The following ERN1 variants were observed in gnomAD, a reference collection of about 807,000 sequenced individuals.
ERN1 encodes the protein serine/threonine-protein kinase/endoribonuclease IRE1.
In ERN1, 39 loss-of-function variants were observed where a neutral mutation model predicts 113.1. The observed-to-expected ratio is 0.34, with a 90% confidence interval of 0.27 to 0.45. The LOEUF is 0.45. Ranked by LOEUF, ERN1 falls within the 20% of genes least tolerant of loss-of-function variation. ERN1 has a pLI of 1.00. For missense variants in ERN1, 976 were observed against 1,274.8 expected (o/e 0.77, Z 3.57); for synonymous variants, 507 against 515.9 (o/e 0.98, Z 0.23).
chr17:64,068,973 T>A (rs1009429142), intron 6 of ERN1, among the ~76,000 whole-genome samples: 2 of 152,182 alleles, frequency 1.3e-5, no homozygotes, highest in African/African-American at 4.8e-5. Flanking sequence ...GAAGAAATCA[T>A]TCAGCAGAAT....
intron 8 of ERN1, among the ~76,000 whole-genome samples, chr17:64,065,695 C>G (rs1368743898): frequency 6.6e-6 from 1 of 152,166 alleles, no homozygotes; most frequent in Non-Finnish European, 1.5e-5. Flanking sequence ...AGAACTACCC[C>G]CATTCTGCCT....
intron 7 of ERN1, chr17:64,067,846 C>T (rs1913283622): frequency 1.1e-5 from 2 of 189,754 alleles, no homozygotes; most frequent in South Asian, 2.8e-4. Context: ...TGCAGAGTGG[C>T]CTTCTTGACA....
At chr17:64,064,266 G>T in intron 9 of ERN1, 115 bp from the exon 10 acceptor site, 1 of 1,200,788 alleles carries the variant, frequency 8.3e-7, no homozygotes, top group Non-Finnish European at 1.1e-6. Flanking sequence ...GGCTAGTCCA[G>T]GACAGAGCAA....
intron 1 of ERN1, among the ~76,000 whole-genome samples, chr17:64,123,767 CAT>C (rs1458446207): frequency 6.6e-6 from 1 of 151,854 alleles, no homozygotes; most frequent in Non-Finnish European, 1.5e-5. Context: ...AAAATAAAAA[CAT>C]ATCTGTGTAG....
At position 64,044,232 on chromosome 17, in the gene ERN1, A is replaced by G. The variant is rs1388107498; in HGVS notation, c.2722-32T>C. 6 of 1,447,990 alleles carry G rather than the reference A, an allele frequency of 4.1e-6. No individual in the cohort carries two copies. The African/African-American group carries it at 4.3e-5, about 10-fold the overall frequency. The allele number at this position is 1,447,990 out of a possible 1,614,324, so 89.7% of individuals were successfully genotyped here. A position where few individuals can be genotyped will look rare whatever the true frequency, so the allele number is the denominator to read the frequency against. ...AGAGTTAGAAAGCTCGGGAGATTAG[A>G]AAGGGGTTAGAAAGCTCGGGAAATG... On this transcript the variant is annotated intron_variant, in intron 21 of 21. Transcript: ENST00000433197. The surrounding 1 kb of genome is among the most constrained non-coding windows in gnomAD (Gnocchi z 4.1).
intron 2 of ERN1, among the ~76,000 whole-genome samples, chr17:64,087,462 C>T (rs978700134): frequency 3.9e-5 from 6 of 152,178 alleles, no homozygotes; most frequent in Admixed American, 2.6e-4. Flanking sequence ...CTAGTGGGTC[C>T]CACTTCCACC....
chr17:64,084,422 T>G (rs915998823), intron 2 of ERN1, among the ~76,000 whole-genome samples: 2 of 152,104 alleles, frequency 1.3e-5, no homozygotes, highest in East Asian at 1.9e-4. Context: ...TGTGTGGACT[T>G]TGGAATCAGA....
Position 64,044,064 on chromosome 17 carries a change from T to A in ERN1, c.2858A>T (p.His953Leu), listed in dbSNP as rs1912426184. ...HTYRAMELCS[H>L]ERLFQPYYFH... Reference sequence around the variant, plus strand: ...GTAGTAGGGCTGGAAGAGTCTCTCGTGGCTGCACAGCTCCATGGCCCGGTA... The same window carrying A: ...GTAGTAGGGCTGGAAGAGTCTCTCGAGGCTGCACAGCTCCATGGCCCGGTA... The change falls in exon 22 of 22, where the codon CAC becomes CTC. Residue 953 changes from histidine (H) to leucine (L), a missense_variant. Coordinates refer to ENST00000433197, the MANE Select transcript of ERN1 (RefSeq NM_001433.5). This position sits in a 1 kb window ranked among gnomAD's most constrained non-coding sequence, Gnocchi z 4.1. 1 of 1,613,400 alleles carries A rather than the reference T, an allele frequency of 6.2e-7. No individual in the cohort carries two copies. The highest frequency in any genetic ancestry group is 1.3e-5 in the African/African-American group (1 of 74,846).
At chr17:64,089,034 T>C (rs973136993) in intron 2 of ERN1, among the ~76,000 whole-genome samples, 8 of 151,966 alleles carry the variant, frequency 5.3e-5, no homozygotes, top group African/African-American at 1.9e-4. Flanking sequence ...AAAAGAGGAA[T>C]GTGGGCCGGG....
Position 64,068,272 on chromosome 17 carries a change from G to C in ERN1, c.498C>G (p.Tyr166Ter), listed in dbSNP as rs759624929. Residue 166 changes from tyrosine (Y) to a stop codon, truncating the protein, a stop_gained, in exon 7 of 22, where the codon TAC (tyrosine) becomes TAG (stop). Transcript: ENST00000433197. LOFTEE classifies it high-confidence loss of function. ...LGRTEYTITMYDTKTRELRWN... is the reference protein window; with the variant it reads ...LGRTEYTITM The stretch of plus-strand genomic sequence containing the variant: ...ACCGGAGCTCTCGGGTTTTGGTGTC[G>C]TACATGGTGATGGTGTATTCTAAAG... 1.2e-6 allele frequency: 2 copies of C among 1,611,888 alleles called. No homozygotes were observed. The highest frequency in any genetic ancestry group is 1.7e-6 in the Non-Finnish European group (2 of 1,178,990).
In ERN1 at chr17:64,049,228, G is replaced by A; in HGVS notation, c.2254-26C>T. 1 of 1,549,198 alleles carries A rather than the reference G, an allele frequency of 6.5e-7. No homozygotes were observed. ...CTGAAAAGAGACATGAGGCGTGAGA[G>A]GTCTGGGAGCAGAGTTTTCATCCTC... On this transcript the variant is annotated intron_variant, in intron 17 of 21. Transcript: ENST00000433197. The surrounding 1 kb of genome is among the most constrained non-coding windows in gnomAD (Gnocchi z 4.7).
intron 2 of ERN1, among the ~76,000 whole-genome samples, chr17:64,081,094 G>A (rs1020302195): frequency 4.6e-5 from 7 of 152,182 alleles, no homozygotes; most frequent in African/African-American, 1.7e-4. Context: ...CATATAACTT[G>A]GGGGATGGAT....
At chr17:64,065,619 C>A (rs906868745) in intron 8 of ERN1, among the ~76,000 whole-genome samples, 1 of 152,092 alleles carries the variant, frequency 6.6e-6, no homozygotes, top group Non-Finnish European at 1.5e-5. Flanking sequence ...TTACTACCAC[C>A]GCCGAGGCCC....
intron 6 of ERN1, among the ~76,000 whole-genome samples, chr17:64,068,602 C>T (rs1004587205): frequency 6.6e-6 from 1 of 152,148 alleles, no homozygotes; most frequent in Non-Finnish European, 1.5e-5. Flanking sequence ...TATTACATAG[C>T]AATGGATTGC....
At chr17:64,113,909 C>T (rs1914738322) in intron 1 of ERN1, among the ~76,000 whole-genome samples, 2 of 151,980 alleles carry the variant, frequency 1.3e-5, no homozygotes, top group Non-Finnish European at 2.9e-5. Flanking sequence ...GTCTTGAACT[C>T]CTGACCTTGT....
At chr17:64,120,439 C>A (rs1188070486) in intron 1 of ERN1, among the ~76,000 whole-genome samples, 1 of 152,134 alleles carries the variant, frequency 6.6e-6, no homozygotes, top group African/African-American at 2.4e-5. Context: ...GACACTCCTG[C>A]AGCCCAGACA....
intron 1 of ERN1, among the ~76,000 whole-genome samples, chr17:64,128,151 C>T (rs1025061628): frequency 4.7e-5 from 7 of 150,408 alleles, no homozygotes; most frequent in African/African-American, 1.7e-4. Flanking sequence ...TGCGCTACCA[C>T]GCCCGGCTAA....
chr17:64,080,512 A>C (rs1233783954), intron 3 of ERN1: 1 of 425,708 alleles, frequency 2.3e-6, no homozygotes, highest in Non-Finnish European at 4.3e-6. Flanking sequence ...CCCCCTGAGG[A>C]CTTTGGAAGT....
chr17:64,103,000 T>C, intron 1 of ERN1: 2 of 971,710 alleles, frequency 2.1e-6, no homozygotes, highest in East Asian at 1.1e-4. Context: ...GGCAGGCATC[T>C]AGTCTAGCCT....
Sources: gnomAD v4.1 joint callset for allele counts (sites outside exome capture counted in the v4.1 genomes callset) on GRCh38, gnomAD v4.1.1 for gene constraint, Gnocchi (gnomAD v3.1) non-coding constraint, MANE v1.5 for transcripts, NCBI Gene and HGNC (gene_info 2026-07-23, HGNC 2026-07-21) for gene names.